The following VAC14 variants were observed in gnomAD, a reference collection of about 807,000 sequenced individuals.
VAC14 encodes protein VAC14 homolog.
Under a neutral mutation model 85.3 loss-of-function variants are expected in VAC14, and 47 were observed. The ratio of observed to expected loss-of-function variants is 0.55; its 90% CI spans 0.44 to 0.70. The LOEUF (loss-of-function observed/expected upper bound fraction) is 0.70, where lower values mean the gene tolerates loss of function less well. Ranked by LOEUF, VAC14 falls within the 30% of genes least tolerant of loss-of-function variation. The probability of loss-of-function intolerance (pLI) is 0.00; values close to 1 mark genes in which losing one functional copy is unlikely to be tolerated. For missense variants in VAC14, 861 were observed against 1,004.3 expected, an observed-to-expected ratio of 0.86 and a Z score of 1.93; for synonymous variants, 447 against 430.5, an observed-to-expected ratio of 1.04 and a Z score of -0.47.
chr16:70,736,125 C>A (rs913666222), intron 13 of VAC14, among the ~76,000 whole-genome samples: 10 of 152,166 alleles, frequency 6.6e-5, no homozygotes, highest in Admixed American at 5.2e-4. Flanking sequence ...GGGAGAGGTG[C>A]GGGGCCGTTC....
chr16:70,771,936 G>T, intron 10 of VAC14, 173 bp downstream of exon 10: 1 of 628,958 alleles, frequency 1.6e-6, no homozygotes. Context: ...GGGTGGGCTT[G>T]CTCAGTGTCC....
At position 70,693,402 on chromosome 16, in the gene VAC14, C is replaced by A. The variant is rs767090866; in HGVS notation, c.2036-431G>T. On this transcript the variant is annotated intron_variant, in intron 17 of 18. Transcript: ENST00000261776. ...CCAGTTGGCTCCACACGTGCCAGCA[C>A]GGGAGAGCTATAAATAGGGTGTGCT... Among the ~76,000 whole-genome samples the A allele has an allele frequency of 2.0e-5, 3 of 152,174 alleles. No individual in the cohort carries two copies. The East Asian group carries it at 5.8e-4, about 29-fold the overall frequency.
chr16:70,740,933 T>C (rs1488217025), intron 13 of VAC14, among the ~76,000 whole-genome samples: 1 of 152,250 alleles, frequency 6.6e-6, no homozygotes, highest in South Asian at 2.1e-4. Flanking sequence ...TGTGGTGCAT[T>C]AGGCCAACAC....
intron 12 of VAC14, among the ~76,000 whole-genome samples, chr16:70,745,718 A>G (rs1458500253): frequency 1.3e-5 from 2 of 152,172 alleles, no homozygotes; most frequent in Non-Finnish European, 2.9e-5. Flanking sequence ...TATCTCCAGG[A>G]CTGTCCCTGC....
At chr16:70,748,410 C>CT (rs1201663537) in intron 12 of VAC14, among the ~76,000 whole-genome samples, 7 of 152,290 alleles carry the variant, frequency 4.6e-5, no homozygotes, top group South Asian at 2.1e-4. Context: ...GTGATGATGC[C>CT]TGGGGGGGAG....
chr16:70,691,099 CCTGA>C (rs1182651652), intron 18 of VAC14: 2 of 985,412 alleles, frequency 2.0e-6, no homozygotes, highest in African/African-American at 3.5e-5. Context: ...TCAAGACTTC[CCTGA>C]CTGACCGTGG....
chr16:70,789,498 A>G (rs539390944), intron 1 of VAC14, among the ~76,000 whole-genome samples: 10 of 152,302 alleles, frequency 6.6e-5, no homozygotes, highest in South Asian at 4.2e-4. Flanking sequence ...ACAGCTGCTC[A>G]CATCTGGGGC....
chr16:70,710,806 T>C (rs1198921835), intron 14 of VAC14, among the ~76,000 whole-genome samples: 1 of 152,214 alleles, frequency 6.6e-6, no homozygotes, highest in African/African-American at 2.4e-5. Flanking sequence ...TAGCCCCGTG[T>C]CAACATTTCC....
chr16:70,781,928 T>C lies in VAC14; in HGVS notation c.887A>G (p.Tyr296Cys), dbSNP rs1858257862. 6.2e-7 allele frequency: 1 copy of C among 1,613,696 alleles called. No homozygotes were observed. ...IQLAGRVMLPYSSGILTAVLP... is the reference protein window; with the variant it reads ...IQLAGRVMLPCSSGILTAVLP... ...GACAGCAGTCAGGATCCCGGAGGAG[T>C]AAGGCAGCATGACGCGGCCCGCCAG... Residue 296 changes from tyrosine (Y) to cysteine (C), a missense_variant, in exon 8 of 19, where the codon TAC becomes TGC. By Grantham distance (194) the Tyr-to-Cys change is radical. Around this residue, in one of 3 missense-constraint regions of VAC14, gnomAD observed 629 missense variants for 703.1 expected, o/e 0.89. Coordinates refer to ENST00000261776, the MANE Select transcript of VAC14 (RefSeq NM_018052.5).
At chr16:70,781,368 C>G (rs191436128) in intron 8 of VAC14, among the ~76,000 whole-genome samples, 1 of 152,156 alleles carries the variant, frequency 6.6e-6, no homozygotes, top group Non-Finnish European at 1.5e-5. Context: ...TTTATAGCAA[C>G]GCAAAATGGG....
At chr16:70,719,994 A>G (rs946884051) in intron 14 of VAC14, among the ~76,000 whole-genome samples, 1 of 152,246 alleles carries the variant, frequency 6.6e-6, no homozygotes, top group Non-Finnish European at 1.5e-5. Context: ...ATCGTCATAC[A>G]GAATATTCCA....
intron 18 of VAC14, chr16:70,690,297 A>G (rs2053574004): frequency 2.0e-6 from 2 of 985,430 alleles, no homozygotes; most frequent in Non-Finnish European, 2.4e-6. Context: ...CTGAGCACAG[A>G]GGCCAGGCCC....
intron 1 of VAC14, among the ~76,000 whole-genome samples, chr16:70,787,316 T>A (rs1158383330): frequency 6.6e-6 from 1 of 152,044 alleles, no homozygotes; most frequent in Admixed American, 6.6e-5. Context: ...TAGAATTAAA[T>A]GGAAAAGCAC....
At chr16:70,702,440 T>C (rs2053847251) in intron 14 of VAC14, among the ~76,000 whole-genome samples, 1 of 151,720 alleles carries the variant, frequency 6.6e-6, no homozygotes. Flanking sequence ...AGAGCAGTGC[T>C]GAGGCCATGT....
chr16:70,753,866 T>G (rs2031607843), intron 12 of VAC14, among the ~76,000 whole-genome samples: 1 of 152,094 alleles, frequency 6.6e-6, no homozygotes. Context: ...GAGGTGTGAG[T>G]GAGAGCGCCC....
In VAC14 at chr16:70,800,904, G is replaced by T; in HGVS notation, c.-4C>A. On this transcript the variant is annotated 5_prime_UTR_variant, in exon 1 of 19. Transcript: ENST00000261776. ...CGAAATCCTTCTCGGGGTTCATGGT[G>T]GCAGCTGGGGGAACCTCGCGACTCC... The T allele has an allele frequency of 6.3e-7, 1 of 1,576,918 alleles. No homozygotes were observed. Among genetic ancestry groups the T allele is most frequent in the South Asian group, 1.1e-5 (1 of 88,644 alleles).
chr16:70,751,976 G>T (rs565416634), intron 12 of VAC14, among the ~76,000 whole-genome samples: 8 of 152,352 alleles, frequency 5.3e-5, no homozygotes, highest in South Asian at 4.1e-4. Context: ...CTTAGCTTTG[G>T]TGGTGGGAAA....
chr16:70,786,898 G>A (rs111264219), intron 1 of VAC14, among the ~76,000 whole-genome samples: 38 of 152,336 alleles, frequency 2.5e-4, no homozygotes, highest in African/African-American at 6.5e-4. Context: ...CGTCCAGGAG[G>A]GCTACAGGGA....
Position 70,772,157 on chromosome 16 carries a change from G to T in VAC14, c.1112C>A (p.Ser371Tyr). Residue 371 changes from serine (S) to tyrosine (Y), a missense_variant, in exon 10 of 19, where the codon TCC (serine) becomes TAC (tyrosine). Around this residue, in one of 3 missense-constraint regions of VAC14, gnomAD observed 629 missense variants for 703.1 expected, o/e 0.89. Transcript: ENST00000261776. ...EGTASGGPDG[S>Y]CDSSFSSGIS... ...GCCGCTACTGAAGCTGGAGTCACAG[G>T]AACCATCTGGACCTCCTGGGAGAGG... The T allele has an allele frequency of 5.0e-6, 8 of 1,614,114 alleles. No homozygotes were observed. The highest frequency in any genetic ancestry group is 6.8e-6 in the Non-Finnish European group (8 of 1,180,002).
Sources: allele counts gnomAD v4.1 joint callset (sites outside exome capture counted in the v4.1 genomes callset), GRCh38; gene constraint gnomAD v4.1.1; regional missense constraint gnomAD v4.1.1; transcripts MANE v1.5; gene names NCBI Gene and HGNC (gene_info 2026-07-23, HGNC 2026-07-21).